Variants in LOC400499 observed in about 807,000 individuals in gnomAD.
chr16:11,488,311 TA>T, the LOC400499 span, among the ~76,000 whole-genome samples: 2 of 152,134 alleles, frequency 1.3e-5, no homozygotes, highest in African/African-American at 4.8e-5. Context: ...CTGAATGCCA[TA>T]AAATAACTGA....
chr16:11,518,656 G>A, the LOC400499 span, among the ~76,000 whole-genome samples: 17 of 152,234 alleles, frequency 1.1e-4, no homozygotes, highest in African/African-American at 3.9e-4. Flanking sequence ...GTCACCCAAG[G>A]CTTCTACATG....
the LOC400499 span, chr16:11,435,866 G>A: frequency 7.5e-6 from 3 of 399,096 alleles, no homozygotes; most frequent in Non-Finnish European, 1.3e-5. Flanking sequence ...GTAGCGCCCG[G>A]CAGCTGCCTG....
chr16:11,432,137 C>G, the LOC400499 span, among the ~76,000 whole-genome samples: 2 of 152,208 alleles, frequency 1.3e-5, no homozygotes, highest in African/African-American at 4.8e-5. Context: ...CCAGTCCACC[C>G]CCGTCCTCAG....
the LOC400499 span, chr16:11,399,193 C>T: frequency 2.0e-6 from 2 of 984,998 alleles, no homozygotes; most frequent in South Asian, 4.7e-5. Context: ...CCGCCCCCTC[C>T]CGAGAAGCCC....
chr16:11,397,257 G>T, the LOC400499 span, among the ~76,000 whole-genome samples: 1 of 152,170 alleles, frequency 6.6e-6, no homozygotes, highest in Non-Finnish European at 1.5e-5. Context: ...GGCCGAATCT[G>T]GCTCACTGCC....
At chr16:11,526,834 G>T in the LOC400499 span, among the ~76,000 whole-genome samples, 1 of 152,164 alleles carries the variant, frequency 6.6e-6, no homozygotes, top group Non-Finnish European at 1.5e-5. Flanking sequence ...CCAGAAGGCA[G>T]CATTTTCTCA....
the LOC400499 span, chr16:11,425,310 T>C: frequency 2.5e-6 from 1 of 399,236 alleles, no homozygotes; most frequent in East Asian, 3.6e-5. Flanking sequence ...AGGCAAGGCC[T>C]GGCTGCTGTT....
At chr16:11,485,309 G>A in the LOC400499 span, among the ~76,000 whole-genome samples, 11 of 152,188 alleles carry the variant, frequency 7.2e-5, no homozygotes, top group East Asian at 2.1e-3. Context: ...TTTAAGGCTT[G>A]GTTCAAATGT....
the LOC400499 span, chr16:11,457,246 G>T: frequency 1.8e-6 from 1 of 545,684 alleles, no homozygotes; most frequent in Non-Finnish European, 3.2e-6. Context: ...CGCTGATGGT[G>T]GGAATGTGAA....
chr16:11,505,240 A>G, the LOC400499 span, among the ~76,000 whole-genome samples: 1 of 152,092 alleles, frequency 6.6e-6, no homozygotes, highest in South Asian at 2.1e-4. Flanking sequence ...ACCAACTTGC[A>G]ATTGCTAAGG....
At chr16:11,469,895 G>A in the LOC400499 span, among the ~76,000 whole-genome samples, 1 of 152,130 alleles carries the variant, frequency 6.6e-6, no homozygotes, top group Non-Finnish European at 1.5e-5. Flanking sequence ...ACCCTGCACA[G>A]ACCCCTCCCA....
chr16:11,475,196 AC>A, the LOC400499 span, among the ~76,000 whole-genome samples: 2 of 152,130 alleles, frequency 1.3e-5, no homozygotes, highest in Non-Finnish European at 2.9e-5. Flanking sequence ...GAGCATTAGG[AC>A]AAATACCTAA....
the LOC400499 span, among the ~76,000 whole-genome samples, chr16:11,464,348 C>T: frequency 1.3e-5 from 2 of 152,224 alleles, no homozygotes; most frequent in African/African-American, 4.8e-5. Flanking sequence ...GTGCAGTGCT[C>T]GTCAGAGCTT....
chr16:11,460,681 G>A, the LOC400499 span: 10 of 1,464,108 alleles, frequency 6.8e-6, no homozygotes, highest in East Asian at 2.5e-5. Flanking sequence ...CCAAGAGAAG[G>A]AGGGCCCGGC....
the LOC400499 span, chr16:11,515,976 G>A: frequency 2.0e-5 from 8 of 398,744 alleles, no homozygotes; most frequent in East Asian, 3.6e-5. Flanking sequence ...CGTCCCCTGC[G>A]CAGGGAGCAC....
At chr16:11,484,751 C>T in the LOC400499 span, 1 of 397,524 alleles carries the variant, frequency 2.5e-6, no homozygotes, top group Non-Finnish European at 4.4e-6. Flanking sequence ...TTGAACCAGC[C>T]ACTTAATTCT....
At chr16:11,447,850 C>T in the LOC400499 span, 1 of 1,442,682 alleles carries the variant, frequency 6.9e-7, no homozygotes, top group Non-Finnish European at 9.1e-7. Flanking sequence ...GTAGCTCTGC[C>T]CATCCTGTTC....
chr16:11,412,961 G>C, the LOC400499 span: 2 of 399,216 alleles, frequency 5.0e-6, no homozygotes, highest in African/African-American at 2.1e-5. Flanking sequence ...GAGCTGAGGA[G>C]GGAGCAGGCT....
At chr16:11,508,982 G>C in the LOC400499 span, 3 of 397,158 alleles carry the variant, frequency 7.6e-6, no homozygotes, top group African/African-American at 4.1e-5. Flanking sequence ...ACAGGTAAGA[G>C]GGGTGTCTAC....
Sources: allele counts gnomAD v4.1 joint callset (sites outside exome capture counted in the v4.1 genomes callset), GRCh38; gene constraint gnomAD v4.1.1; transcripts MANE v1.5.